The following ERAP1 variants were observed in gnomAD, a reference collection of about 807,000 sequenced individuals.
ERAP1 encodes adipocyte-derived leucine aminopeptidase.
Under a neutral mutation model 103.7 loss-of-function variants are expected in ERAP1, and 86 were observed. The observed-to-expected ratio is 0.83, with a 90% confidence interval of 0.70 to 0.99. The LOEUF (loss-of-function observed/expected upper bound fraction) is 0.99, where lower values mean the gene tolerates loss of function less well. Among genes scored for constraint, ERAP1 ranks in the 50% least tolerant of loss-of-function variants. The pLI, the probability that ERAP1 is intolerant of heterozygous loss-of-function variation, is 0.00. For synonymous variants in ERAP1, 398 were observed against 402.4 expected, an observed-to-expected ratio of 0.99 and a Z score of 0.13; for missense variants, 1,009 against 1,128.4, an observed-to-expected ratio of 0.89 and a Z score of 1.52.
intron 14 of ERAP1, among the ~76,000 whole-genome samples, chr5:96,783,513 A>G (rs1483561044): frequency 6.6e-6 from 1 of 152,254 alleles, no homozygotes; most frequent in Non-Finnish European, 1.5e-5. Flanking sequence ...GAGAGTTTAC[A>G]TGACTAAATT....
intron 2 of ERAP1, among the ~76,000 whole-genome samples, chr5:96,801,776 C>T (rs1172942224): frequency 1.7e-4 from 23 of 137,264 alleles, no homozygotes; most frequent in Admixed American, 6.4e-4. Flanking sequence ...TGCTTGAACC[C>T]GGGAGGCGGA....
In ERAP1 at chr5:96,775,128, T is replaced by G. The variant is rs1773935653; in HGVS notation, c.*1268A>C. 1 of 985,490 alleles carries G rather than the reference T, an allele frequency of 1.0e-6. No individual in the cohort carries two copies. Among genetic ancestry groups the G allele is most frequent in the South Asian group, 4.7e-5 (1 of 21,282 alleles). The allele number at this position is 985,490 out of a possible 1,614,324, so 61.0% of individuals were successfully genotyped here. ...TTCAGAATAAGAAATAAAATCTAAT[T>G]CTTAGGGTATTAACTGACTTGACTT... On this transcript the variant is annotated 3_prime_UTR_variant, in exon 19 of 19. Coordinates refer to ENST00000443439, the MANE Select transcript of ERAP1 (RefSeq NM_001040458.3).
chr5:96,867,759 T>C, the ERAP1 span, among the ~76,000 whole-genome samples: 1 of 152,148 alleles, frequency 6.6e-6, no homozygotes, highest in Admixed American at 6.5e-5. Flanking sequence ...CTTTGTATAA[T>C]TTGTTTATTT....
chr5:96,896,953 C>T, the ERAP1 span: 23 of 1,239,972 alleles, frequency 1.9e-5, no homozygotes, highest in Non-Finnish European at 2.5e-5. Context: ...TATATATTGT[C>T]AGTCAACCAT....
At chr5:96,819,159 C>G in the ERAP1 span, among the ~76,000 whole-genome samples, 2 of 151,876 alleles carry the variant, frequency 1.3e-5, no homozygotes, top group Non-Finnish European at 1.5e-5. Flanking sequence ...CTCTTGACCT[C>G]GTGATCTGCC....
the ERAP1 span, among the ~76,000 whole-genome samples, chr5:96,904,337 A>C: frequency 1.3e-5 from 2 of 152,324 alleles, no homozygotes; most frequent in African/African-American, 4.8e-5. Flanking sequence ...AGCTTTCCCT[A>C]TTCTGAGAAT....
the ERAP1 span, chr5:96,896,251 T>G: frequency 1.4e-6 from 1 of 733,700 alleles, no homozygotes. Context: ...AAAAGAAACA[T>G]CTCCCAAGAA....
chr5:96,799,458 AAAG>A (rs1472282808), intron 3 of ERAP1, among the ~76,000 whole-genome samples: 2 of 152,172 alleles, frequency 1.3e-5, no homozygotes, highest in Non-Finnish European at 2.9e-5. Flanking sequence ...CAAAAAAAAA[AAAG>A]AAGTTTTCCT....
At chr5:96,841,157 C>T in the ERAP1 span, among the ~76,000 whole-genome samples, 283 of 152,312 alleles carry the variant, frequency 1.9e-3, no homozygotes, top group Non-Finnish European at 3.1e-3. Flanking sequence ...TTTCTACTTG[C>T]TTAACCCTGG....
At chr5:96,794,171 C>CCTTTT (rs1343552710) in intron 5 of ERAP1, among the ~76,000 whole-genome samples, 3 of 68,736 alleles carry the variant, frequency 4.4e-5, no homozygotes. Context: ...CATCTCAGGC[C>CCTTTT]TTTTTTTTTT....
At chr5:96,900,763 A>C in the ERAP1 span, among the ~76,000 whole-genome samples, 1 of 152,032 alleles carries the variant, frequency 6.6e-6, no homozygotes, top group African/African-American at 2.4e-5. Context: ...TGCAACCTCC[A>C]CCTCTCTGGT....
At chr5:96,778,868 G>A (rs908284137) in intron 18 of ERAP1, among the ~76,000 whole-genome samples, 1 of 152,202 alleles carries the variant, frequency 6.6e-6, no homozygotes, top group African/African-American at 2.4e-5. Context: ...GTAGTTAGAT[G>A]TCTGGGGAAG....
the ERAP1 span, among the ~76,000 whole-genome samples, chr5:96,844,209 T>C: frequency 1.4e-4 from 21 of 152,368 alleles, no homozygotes; most frequent in Non-Finnish European, 2.5e-4. Context: ...AGTGATATGA[T>C]GACTTCCAAC....
chr5:96,848,226 T>C, the ERAP1 span, among the ~76,000 whole-genome samples: 1 of 152,094 alleles, frequency 6.6e-6, no homozygotes, highest in Admixed American at 6.5e-5. Flanking sequence ...TTTTGTTTTA[T>C]TTTTAGTAGA....
chr5:96,869,249 A>G, the ERAP1 span, among the ~76,000 whole-genome samples: 4 of 152,120 alleles, frequency 2.6e-5, no homozygotes, highest in Non-Finnish European at 5.9e-5. Context: ...GGTAAACTGT[A>G]CATCATGGCC....
the ERAP1 span, among the ~76,000 whole-genome samples, chr5:96,901,111 A>G: frequency 6.6e-6 from 1 of 152,164 alleles, no homozygotes; most frequent in Admixed American, 6.5e-5. Context: ...AAGCTTCCCT[A>G]AAGACAGATA....
At chr5:96,909,131 T>C in the ERAP1 span, 1 of 1,612,248 alleles carries the variant, frequency 6.2e-7, no homozygotes, top group Non-Finnish European at 8.5e-7. Context: ...TGTGTTGCTT[T>C]TAGAAAATGT....
chr5:96,858,245 C>T, the ERAP1 span, among the ~76,000 whole-genome samples: 9 of 133,300 alleles, frequency 6.8e-5, no homozygotes, highest in African/African-American at 1.1e-4. Context: ...GATGGAGTTT[C>T]GCTCTGTTGC....
At chr5:96,914,908 CAT>C in the ERAP1 span, among the ~76,000 whole-genome samples, 4 of 150,234 alleles carry the variant, frequency 2.7e-5, no homozygotes, top group African/African-American at 4.9e-5. Context: ...AATTTATAAA[CAT>C]AAATGATATA....
Sources: allele counts gnomAD v4.1 joint callset (sites outside exome capture counted in the v4.1 genomes callset), GRCh38; gene constraint gnomAD v4.1.1; transcripts MANE v1.5; gene names NCBI Gene and HGNC (gene_info 2026-07-23, HGNC 2026-07-21).